ELF2: variants seen among roughly 807,000 people sequenced by gnomAD.
ELF2 encodes ETS-related transcription factor Elf-2.
ELF2 carries 11 observed loss-of-function variants against 54.8 expected under a neutral mutation model. The ratio of observed to expected loss-of-function variants is 0.20; its 90% CI spans 0.13 to 0.33. The LOEUF is 0.33. ELF2 is among the 10% of genes least tolerant of loss of function. The pLI is 1.00. For missense variants in ELF2, 513 were observed against 703.0 expected, an observed-to-expected ratio of 0.73 and a Z score of 3.06; for synonymous variants, 203 against 245.1, an observed-to-expected ratio of 0.83 and a Z score of 1.61.
At chr4:139,075,639 G>C (rs1362792794) in intron 4 of ELF2, among the ~76,000 whole-genome samples, 9 of 152,120 alleles carry the variant, frequency 5.9e-5, no homozygotes, top group Non-Finnish European at 1.2e-4. Context: ...ATGTTGGCCA[G>C]GCTGGTTTTG....
chr4:139,066,225 G>A (rs976571288), intron 7 of ELF2: 28 of 151,798 alleles, frequency 1.8e-4, no homozygotes, highest in African/African-American at 6.5e-4. Context: ...ATTCATGAAA[G>A]TGATAAATTT....
At chr4:139,167,898 T>C (rs1266399233) in intron 1 of ELF2, among the ~76,000 whole-genome samples, 1 of 152,214 alleles carries the variant, frequency 6.6e-6, no homozygotes, top group African/African-American at 2.4e-5. Context: ...GGGGAGACTC[T>C]TACCCCTCTT....
intron 1 of ELF2, among the ~76,000 whole-genome samples, chr4:139,145,561 C>A (rs895963209): frequency 6.6e-5 from 10 of 152,084 alleles, no homozygotes; most frequent in African/African-American, 2.4e-4. Flanking sequence ...ACCCTGATAC[C>A]AAAGCCAGGA....
chr4:139,063,373 C>A (rs1323246572), intron 7 of ELF2, among the ~76,000 whole-genome samples: 1 of 152,160 alleles, frequency 6.6e-6, no homozygotes, highest in East Asian at 1.9e-4. Flanking sequence ...TAAAGGATTT[C>A]ATTATATATA....
chr4:139,091,911 GA>G (rs1392635351), intron 4 of ELF2, among the ~76,000 whole-genome samples: 1 of 148,748 alleles, frequency 6.7e-6, no homozygotes, highest in Non-Finnish European at 1.5e-5. Flanking sequence ...TATATATAGA[GA>G]ATATATATAC....
At chr4:139,140,088 C>T (rs2148865416) in intron 1 of ELF2, among the ~76,000 whole-genome samples, 1 of 152,298 alleles carries the variant, frequency 6.6e-6, no homozygotes, top group South Asian at 2.1e-4. Flanking sequence ...TGCCACCATG[C>T]TCAGGTCAGT....
intron 1 of ELF2, among the ~76,000 whole-genome samples, chr4:139,168,582 G>C (rs546350571): frequency 1.8e-4 from 28 of 152,162 alleles, no homozygotes; most frequent in African/African-American, 6.5e-4. Context: ...TGACTGAAAG[G>C]GTCCTGACAC....
intron 4 of ELF2, among the ~76,000 whole-genome samples, chr4:139,103,649 T>C (rs901479120): frequency 1.3e-5 from 2 of 152,248 alleles, no homozygotes; most frequent in African/African-American, 2.4e-5. Context: ...ATATCCTTTA[T>C]GATAAACTGG....
At chr4:139,074,281 A>T (rs1729955301) in intron 4 of ELF2, among the ~76,000 whole-genome samples, 1 of 152,202 alleles carries the variant, frequency 6.6e-6, no homozygotes, top group Non-Finnish European at 1.5e-5. Context: ...CTGGTTGTAG[A>T]TTAAAAACCC....
chr4:139,066,001 A>C (rs1035174062), intron 7 of ELF2: 1 of 128,620 alleles, frequency 7.8e-6, no homozygotes, highest in East Asian at 2.4e-4. Context: ...GAATGTGTTC[A>C]ATGTCACCTT....
At chr4:139,160,252 C>T (rs7675990) in intron 1 of ELF2, among the ~76,000 whole-genome samples, 14,155 of 152,222 alleles carry the variant, frequency 0.093, 930 homozygotes, top group African/African-American at 0.19. Context: ...GCCAAGTTCT[C>T]AGATGCCAGC....
intron 4 of ELF2, among the ~76,000 whole-genome samples, chr4:139,112,147 C>CTT (rs111717304): frequency 0.019 from 2,919 of 152,148 alleles, 87 homozygotes; most frequent in East Asian, 0.12. Flanking sequence ...ATTTTAATCC[C>CTT]CTTTCTTTCT....
chr4:139,084,423 G>GGGCGGCAGGGGCAGGGGC lies in ELF2; in HGVS notation c.239-10874_239-10857dup, dbSNP rs1052429904. The stretch of plus-strand genomic sequence containing the variant: ...CCCCACCACCTAACGGCAGGGGCAG[G>GGGCGGCAGGGGCAGGGGC]GGCGGCAGGGGCAGGGGCGGCGGCG... On this transcript the variant is annotated intron_variant, in intron 4 of 9. Coordinates refer to ENST00000686138, the MANE Select transcript of ELF2 (RefSeq NM_001331036.3). 4.2e-3 allele frequency: 5,407 copies of GGGCGGCAGGGGCAGGGGC among 1,276,400 alleles called. 18 individuals carry two copies. Among genetic ancestry groups the GGGCGGCAGGGGCAGGGGC allele is most frequent in the Non-Finnish European group, 5.1e-3 (5,134 of 1,010,834 alleles). 79.1% of individuals were successfully genotyped at this position (1,276,400 alleles called of 1,614,324 possible). A position where few individuals can be genotyped will look rare whatever the true frequency, so the allele number is the denominator to read the frequency against.
intron 4 of ELF2, among the ~76,000 whole-genome samples, chr4:139,102,964 G>A (rs1158249223): frequency 6.6e-6 from 1 of 151,874 alleles, no homozygotes; most frequent in East Asian, 1.9e-4. Context: ...CTGCAGCCTT[G>A]ACCTACCAAG....
chr4:139,146,089 G>T (rs113615463), intron 1 of ELF2, among the ~76,000 whole-genome samples: 3,224 of 152,218 alleles, frequency 0.021, 83 homozygotes, highest in South Asian at 0.14. Flanking sequence ...TCAAACTATC[G>T]CTGTTTGCTG....
In ELF2 at chr4:139,067,769, A is replaced by C. The variant is rs767900293; in HGVS notation, c.528T>G (p.Val176=). 1.3e-6 allele frequency: 2 copies of C among 1,576,640 alleles called. No homozygotes were observed. Among genetic ancestry groups the C allele is most frequent in the Admixed American group, 3.5e-5 (2 of 57,584 alleles). The change falls in exon 7 of 10, where the codon GTT becomes GTG. Residue 176 remains valine, a splice_region_variant and synonymous_variant. Transcript: ENST00000686138. The part of the protein sequence containing the change: ...DSHEPMKKKK[V]GRKPKTQQSP... ...ATTGCTGGGTCTTTGGTTTACGGCC[A>C]ACTGAAAAAATAAGATATTGAAACC...
chr4:139,096,565 G>A (rs953538191), intron 4 of ELF2, among the ~76,000 whole-genome samples: 4 of 150,776 alleles, frequency 2.7e-5, no homozygotes, highest in Admixed American at 6.6e-5. Context: ...AGGTTCAAGC[G>A]ATTCTCCTGC....
At chr4:139,064,106 C>G (rs1282734178) in intron 7 of ELF2, among the ~76,000 whole-genome samples, 1 of 152,004 alleles carries the variant, frequency 6.6e-6, no homozygotes, top group Non-Finnish European at 1.5e-5. Flanking sequence ...GTCAGGAGTT[C>G]ATGACCAGCC....
intron 4 of ELF2, among the ~76,000 whole-genome samples, chr4:139,111,457 A>G (rs1305095425): frequency 6.6e-6 from 1 of 151,030 alleles, no homozygotes; most frequent in Non-Finnish European, 1.5e-5. Context: ...TGCAAGGAGT[A>G]GCTGGGACTA....
Sources: gnomAD v4.1 joint callset for allele counts (sites outside exome capture counted in the v4.1 genomes callset) on GRCh38, gnomAD v4.1.1 for gene constraint, MANE v1.5 for transcripts, NCBI Gene and HGNC (gene_info 2026-07-23, HGNC 2026-07-21) for gene names.